Variants in FRMPD4 observed in about 807,000 individuals in gnomAD.
FRMPD4 encodes FERM and PDZ domain-containing protein 4.
Under a neutral mutation model 94.1 loss-of-function variants are expected in FRMPD4, and 22 were observed. The observed-to-expected ratio is 0.23, with a 90% CI of 0.17 to 0.33. The LOEUF is 0.33. Among genes scored for constraint, FRMPD4 ranks in the 10% least tolerant of loss-of-function variants. The probability of loss-of-function intolerance (pLI) is 1.00; values close to 1 mark genes in which losing one functional copy is unlikely to be tolerated. For synonymous variants in FRMPD4, 631 were observed against 548.6 expected (o/e 1.15, Z -2.10); for missense variants, 1,111 against 1,339.9 (o/e 0.83, Z 2.67).
At chrX:12,442,351 A>G (rs1438095002) in intron 1 of FRMPD4, among the ~76,000 whole-genome samples, 3 of 110,965 alleles carry the variant, frequency 2.7e-5, no homozygotes, top group Non-Finnish European at 5.7e-5. Flanking sequence ...CCATGGAGAC[A>G]AGGTGGTCTT....
At chrX:12,010,466 T>C (rs747246414) in intron 3 of FRMPD4, among the ~76,000 whole-genome samples, 2 of 112,128 alleles carry the variant, frequency 1.8e-5, no homozygotes, top group East Asian at 5.6e-4. Context: ...CTTTTAATAA[T>C]ACAGGGTCAG....
At chrX:11,971,839 G>A (rs974938885) in intron 3 of FRMPD4, among the ~76,000 whole-genome samples, 2 of 112,437 alleles carry the variant, frequency 1.8e-5, no homozygotes, top group Non-Finnish European at 3.8e-5. Flanking sequence ...ACTGTAAGAT[G>A]TATTTCACTT....
chrX:12,548,541 A>G (rs1433139571), intron 2 of FRMPD4, among the ~76,000 whole-genome samples: 1 of 112,827 alleles, frequency 8.9e-6, no homozygotes, highest in Non-Finnish European at 1.9e-5. Context: ...CTGCCTGGCA[A>G]CATGCCAACA....
chrX:12,191,439 G>A (rs967166113), intron 1 of FRMPD4, among the ~76,000 whole-genome samples: 5 of 111,935 alleles, frequency 4.5e-5, no homozygotes, highest in South Asian at 3.7e-4. Context: ...ACAAAAGCCC[G>A]CACACGAATG....
At chrX:11,978,935 T>C (rs2147386795) in intron 3 of FRMPD4, among the ~76,000 whole-genome samples, 1 of 111,871 alleles carries the variant, frequency 8.9e-6, no homozygotes, top group Non-Finnish European at 1.9e-5. Flanking sequence ...TACCTTGTAC[T>C]TTGTAGCACT....
intron 3 of FRMPD4, among the ~76,000 whole-genome samples, chrX:11,997,870 A>G (rs1026741011): frequency 6.3e-5 from 7 of 111,134 alleles, no homozygotes; most frequent in African/African-American, 2.3e-4. Flanking sequence ...AACTTTCACA[A>G]TTGGTGTGAT....
intron 2 of FRMPD4, among the ~76,000 whole-genome samples, chrX:12,552,936 G>C (rs867030853): frequency 1.8e-5 from 2 of 111,818 alleles, no homozygotes; most frequent in African/African-American, 6.5e-5. Context: ...CGGGAGGATC[G>C]CCTGAGCCCA....
At chrX:12,625,230 G>A (rs781176616) in intron 4 of FRMPD4, among the ~76,000 whole-genome samples, 4 of 111,246 alleles carry the variant, frequency 3.6e-5, no homozygotes, top group South Asian at 7.6e-4. Flanking sequence ...ACAATATGGA[G>A]GTTCCTCAAA....
chrX:12,249,575 C>CCTACTTAATCA (rs1242396083), intron 1 of FRMPD4, among the ~76,000 whole-genome samples: 2 of 111,278 alleles, frequency 1.8e-5, no homozygotes, highest in Non-Finnish European at 3.8e-5. Flanking sequence ...ATCATGCTTT[C>CCTACTTAATCA]TGGGGGCTAG....
chrX:12,193,838 G>GGAAGGAAGAAAAGA lies in FRMPD4; in HGVS notation c.41+54826_41+54827insGAAGGAAGAAAAGA, dbSNP rs1478269492. Among the ~76,000 whole-genome samples, 275 of 59,853 alleles carry GGAAGGAAGAAAAGA rather than the reference G, an allele frequency of 4.6e-3. 30 individuals are homozygous for GGAAGGAAGAAAAGA. The highest frequency in any genetic ancestry group is 0.029 in the East Asian group (29 of 999). The allele number at this position is 59,853 out of a possible 115,157, so 52.0% of individuals were successfully genotyped here. A position where few individuals can be genotyped will look rare whatever the true frequency, so the allele number is the denominator to read the frequency against. ...AGGAAGGAAGGAAGGAGGGAAGGAA[G>GGAAGGAAGAAAAGA]AAAGAAAAGAAAGAAAAAGGAAGGA... On this transcript the variant is annotated intron_variant, in intron 1 of 16. Coordinates refer to ENST00000675598, the MANE Select transcript of FRMPD4 (RefSeq NM_001368397.1).
In FRMPD4 at chrX:12,311,516, TTTC is replaced by T. The variant is rs752201258; in HGVS notation, c.41+172509_41+172511del. ...TTCTTTTCTTCATGCATCTTAAGAATTTCTTCTGGCATCTTTCTTCTTTTTTTT... is the reference window on the plus strand; with the variant it reads ...TTCTTTTCTTCATGCATCTTAAGAATTTCTGGCATCTTTCTTCTTTTTTTT... On this transcript the variant is annotated intron_variant, in intron 1 of 16. Transcript: ENST00000675598. Among the ~76,000 whole-genome samples the T allele has an allele frequency of 2.7e-5, 3 of 112,110 alleles. No homozygotes were observed. In the South Asian group the frequency reaches 1.1e-3, roughly 42 times the overall value.
intron 3 of FRMPD4, among the ~76,000 whole-genome samples, chrX:11,959,132 C>A (rs2054271552): frequency 1.8e-5 from 2 of 112,627 alleles, no homozygotes; most frequent in Admixed American, 1.9e-4. Flanking sequence ...CTTGTTCCCA[C>A]CACAGGTGCT....
chrX:12,322,735 C>T (rs187970655), intron 1 of FRMPD4, among the ~76,000 whole-genome samples: 60 of 111,485 alleles, frequency 5.4e-4, no homozygotes, highest in Non-Finnish European at 1.0e-3. Context: ...GCTGGTCATA[C>T]GTAGCATTTC....
intron 4 of FRMPD4, among the ~76,000 whole-genome samples, chrX:12,627,408 G>T (rs2059356973): frequency 8.9e-6 from 1 of 112,181 alleles, no homozygotes; most frequent in Admixed American, 9.4e-5. Context: ...AAACACAAAA[G>T]AAACAGCTCT....
intron 11 of FRMPD4, 22 bp downstream of exon 11, chrX:12,704,507 A>G: frequency 9.3e-7 from 1 of 1,079,201 alleles, no homozygotes; most frequent in African/African-American, 1.9e-5. Flanking sequence ...CCATCTTAAA[A>G]GAAAATTATA....
chrX:12,306,715 T>A (rs774259871), intron 1 of FRMPD4, among the ~76,000 whole-genome samples: 1 of 112,042 alleles, frequency 8.9e-6, no homozygotes, highest in South Asian at 3.7e-4. Flanking sequence ...ACATTGGAAG[T>A]TTGAGTGAGA....
At chrX:12,338,673 C>G (rs1211684453) in intron 1 of FRMPD4, among the ~76,000 whole-genome samples, 3 of 112,625 alleles carry the variant, frequency 2.7e-5, no homozygotes, top group African/African-American at 3.2e-5. Flanking sequence ...ACACAGCTGT[C>G]AAATACGTAC....
intron 1 of FRMPD4, among the ~76,000 whole-genome samples, chrX:12,273,633 C>G (rs947564438): frequency 8.9e-6 from 1 of 111,928 alleles, no homozygotes; most frequent in African/African-American, 3.2e-5. Context: ...TCATTAGTGG[C>G]GGTGATATTT....
At chrX:12,232,383 G>A (rs2057020726) in intron 1 of FRMPD4, among the ~76,000 whole-genome samples, 1 of 111,532 alleles carries the variant, frequency 9.0e-6, no homozygotes, top group Non-Finnish European at 1.9e-5. Flanking sequence ...GCAGGAGAGA[G>A]AAGAATGAGA....
Sources: gnomAD v4.1 joint callset for allele counts (sites outside exome capture counted in the v4.1 genomes callset) on GRCh38, gnomAD v4.1.1 for gene constraint, MANE v1.5 for transcripts, NCBI Gene and HGNC (gene_info 2026-07-23, HGNC 2026-07-21) for gene names.